The following CPED1 variants were observed in gnomAD, a reference collection of about 807,000 sequenced individuals.
CPED1 encodes the protein cadherin-like and PC-esterase domain-containing protein 1.
Under a neutral mutation model 128.2 loss-of-function variants are expected in CPED1, and 114 were observed. The observed-to-expected ratio is 0.89, with a 90% CI of 0.76 to 1.04. The LOEUF (loss-of-function observed/expected upper bound fraction) is 1.04. CPED1 is among the 50% of genes least tolerant of loss of function. The pLI, the probability that CPED1 is intolerant of heterozygous loss-of-function variation, is 0.00. For missense variants in CPED1, 1,211 were observed against 1,207.1 expected, an observed-to-expected ratio of 1.00 and a Z score of -0.05; for synonymous variants, 462 against 426.7, an observed-to-expected ratio of 1.08 and a Z score of -1.02.
chr7:121,232,932 T>C (rs1798170466), intron 16 of CPED1, among the ~76,000 whole-genome samples: 2 of 152,102 alleles, frequency 1.3e-5, no homozygotes, highest in African/African-American at 4.8e-5. Flanking sequence ...CAATTCAGTA[T>C]TGCTTTAAAA....
intron 7 of CPED1, among the ~76,000 whole-genome samples, chr7:121,116,799 A>T (rs188330670): frequency 2.0e-5 from 3 of 152,006 alleles, no homozygotes; most frequent in African/African-American, 4.8e-5. Flanking sequence ...AAGTTTCTTC[A>T]TCTATAAAAT....
chr7:121,194,320 G>T (rs893285094), intron 16 of CPED1, among the ~76,000 whole-genome samples: 2 of 151,676 alleles, frequency 1.3e-5, no homozygotes, highest in Admixed American at 6.6e-5. Flanking sequence ...CAAAGTGCTG[G>T]GATTACTAGC....
At chr7:121,225,198 G>A (rs1211172995) in intron 16 of CPED1, among the ~76,000 whole-genome samples, 2 of 152,094 alleles carry the variant, frequency 1.3e-5, no homozygotes, top group African/African-American at 4.8e-5. Context: ...GCATTTGCTT[G>A]TCTGTAAAGG....
chr7:121,206,454 A>G (rs538004036), intron 16 of CPED1, among the ~76,000 whole-genome samples: 2 of 152,104 alleles, frequency 1.3e-5, no homozygotes, highest in African/African-American at 4.8e-5. Flanking sequence ...TCTAAGATAT[A>G]AAACAGCCAT....
At chr7:121,034,481 C>T (rs567678949) in intron 3 of CPED1, among the ~76,000 whole-genome samples, 13 of 151,978 alleles carry the variant, frequency 8.6e-5, no homozygotes, top group African/African-American at 2.7e-4. Context: ...CTCCTGACCT[C>T]GTGATCTGCC....
chr7:121,295,140 AACACACACAC>A lies in CPED1; in HGVS notation c.2869-274_2869-265del, dbSNP rs35927183. On this transcript the variant is annotated intron_variant, in intron 22 of 22. Transcript: ENST00000310396. ...TGTATGTCAGTGTGCCTGGCCTGAAAACACACACACACACACACACACACACACACACACA... is the reference window on the plus strand; with the variant it reads ...TGTATGTCAGTGTGCCTGGCCTGAAAACACACACACACACACACACACACA... Among the ~76,000 whole-genome samples, 5 of 145,870 alleles carry A rather than the reference AACACACACAC, an allele frequency of 3.4e-5. No individual in the cohort carries two copies. The East Asian group carries it at 8.2e-4, about 24-fold the overall frequency.
intron 7 of CPED1, among the ~76,000 whole-genome samples, chr7:121,121,385 A>G (rs1795383442): frequency 6.6e-6 from 1 of 152,206 alleles, no homozygotes; most frequent in South Asian, 2.1e-4. Flanking sequence ...TTACACAGGT[A>G]CAAACAAATG....
chr7:121,143,245 A>G (rs1795946121), intron 16 of CPED1, among the ~76,000 whole-genome samples: 1 of 152,052 alleles, frequency 6.6e-6, no homozygotes. Flanking sequence ...TTCCATGGTC[A>G]AATAAACCCA....
intron 16 of CPED1, among the ~76,000 whole-genome samples, chr7:121,224,635 G>T (rs1354382932): frequency 6.6e-6 from 1 of 152,016 alleles, no homozygotes; most frequent in East Asian, 1.9e-4. Flanking sequence ...TTATGAATCT[G>T]GGTACTCCTG....
chr7:121,073,807 A>AT (rs34082656), intron 5 of CPED1, among the ~76,000 whole-genome samples: 51,066 of 133,844 alleles, frequency 0.38, 10,020 homozygotes, highest in Non-Finnish European at 0.45. Context: ...ACCTCTTCCC[A>AT]TTTTTTTTTT....
Position 121,087,665 on chromosome 7 carries a change from CTG to C in CPED1, c.617-10032_617-10031del, listed in dbSNP as rs1491395533. ...GGATTCTTTCTTTTTCTTTTCTTTC[CTG>C]TTTTTTTTTTTTTGGCAGAGTCTTT... On this transcript the variant is annotated intron_variant, in intron 5 of 22. Coordinates refer to ENST00000310396, the MANE Select transcript of CPED1 (RefSeq NM_024913.5). 6.9e-3 allele frequency among the ~76,000 whole-genome samples: 905 copies of C among 131,550 alleles called. 51 individuals are homozygous for C. The highest frequency in any genetic ancestry group is 0.027 in the African/African-American group (851 of 31,760). 86.3% of individuals were successfully genotyped at this position (131,550 alleles called of 152,430 possible).
At chr7:121,192,835 T>G (rs1277269749) in intron 16 of CPED1, among the ~76,000 whole-genome samples, 1 of 152,152 alleles carries the variant, frequency 6.6e-6, no homozygotes, top group Non-Finnish European at 1.5e-5. Flanking sequence ...ATCAAAATTT[T>G]AAGACAGACA....
At chr7:121,280,735 C>A (rs949557675) in intron 22 of CPED1, among the ~76,000 whole-genome samples, 11 of 151,928 alleles carry the variant, frequency 7.2e-5, no homozygotes, top group African/African-American at 2.7e-4. Flanking sequence ...TGCATGATGT[C>A]CTGAAGTGAA....
At chr7:121,068,211 T>A (rs1417584818) in intron 5 of CPED1, among the ~76,000 whole-genome samples, 3 of 152,314 alleles carry the variant, frequency 2.0e-5, no homozygotes, top group Admixed American at 6.5e-5. Context: ...CTGAATGGTA[T>A]TGCCTAGGTT....
intron 18 of CPED1, among the ~76,000 whole-genome samples, chr7:121,253,687 C>A (rs573078204): frequency 6.6e-6 from 1 of 151,960 alleles, no homozygotes; most frequent in East Asian, 1.9e-4. Flanking sequence ...AGAGACCCAT[C>A]TTGATGTAAG....
At chr7:121,082,844 A>G (rs1474538315) in intron 5 of CPED1, among the ~76,000 whole-genome samples, 6 of 152,208 alleles carry the variant, frequency 3.9e-5, no homozygotes, top group Non-Finnish European at 7.3e-5. Context: ...GAGCTATTTA[A>G]AGAAAATTGT....
chr7:121,127,749 T>A (rs999090240), intron 10 of CPED1, among the ~76,000 whole-genome samples: 12 of 152,094 alleles, frequency 7.9e-5, no homozygotes, highest in Non-Finnish European at 1.6e-4. Context: ...TTGGCCAGGC[T>A]GGTCTTGAAC....
intron 7 of CPED1, among the ~76,000 whole-genome samples, chr7:121,107,228 A>G (rs908890248): frequency 3.3e-5 from 5 of 152,130 alleles, no homozygotes; most frequent in African/African-American, 1.2e-4. Context: ...ATTGAATTTA[A>G]TTTTATAAAT....
chr7:121,248,817 C>T (rs772848226), intron 18 of CPED1, among the ~76,000 whole-genome samples: 3 of 152,110 alleles, frequency 2.0e-5, no homozygotes, highest in Non-Finnish European at 4.4e-5. Context: ...GCTTCTCAGC[C>T]ATGTTTCTTA....
Sources: gnomAD v4.1 joint callset for allele counts (sites outside exome capture counted in the v4.1 genomes callset) on GRCh38, gnomAD v4.1.1 for gene constraint, MANE v1.5 for transcripts, NCBI Gene and HGNC (gene_info 2026-07-23, HGNC 2026-07-21) for gene names.